C2CD3: variants seen among roughly 807,000 people sequenced by gnomAD.
C2CD3 encodes C2 domain-containing protein 3.
In C2CD3, 148 loss-of-function variants were observed where a neutral mutation model predicts 234.0. The ratio of observed to expected loss-of-function variants is 0.63; its 90% CI spans 0.55 to 0.72. The LOEUF is 0.72. C2CD3 is among the 30% of genes least tolerant of loss of function. C2CD3 has a pLI of 0.00. For missense variants in C2CD3, 2,577 were observed against 2,811.5 expected, an observed-to-expected ratio of 0.92 and a Z score of 1.89; for synonymous variants, 1,000 against 1,035.4, an observed-to-expected ratio of 0.97 and a Z score of 0.66.
chr11:74,156,886 G>T (rs571223249), intron 3 of C2CD3, among the ~76,000 whole-genome samples: 4 of 152,330 alleles, frequency 2.6e-5, no homozygotes, highest in Admixed American at 2.6e-4. Flanking sequence ...TGGGAGACTT[G>T]CTTGAATCCA....
At position 74,098,166 on chromosome 11, in the gene C2CD3, C is replaced by T. The variant is rs761895258; in HGVS notation, c.2822G>A (p.Gly941Asp). ...GACTCGAAGACTCCCATTTTGGTGG[C>T]CTGAAAACACATCAATCACAGGCAT... ...SYMPVIDVFS[G>D]HQNGSLRVFL... The change falls in exon 16 of 33, where the codon GGC (glycine) becomes GAC (aspartate). Residue 941 changes from glycine (G) to aspartate (D), a missense_variant. Gly to Asp is a moderately conservative substitution (Grantham distance 94). Transcript: ENST00000334126. 6.2e-7 allele frequency: 1 copy of T among 1,614,020 alleles called. No individual in the cohort carries two copies. The highest frequency in any genetic ancestry group is 8.5e-7 in the Non-Finnish European group (1 of 1,179,964).
intron 28 of C2CD3, 133 bp downstream of exon 28, chr11:74,048,072 G>T: frequency 1.0e-6 from 1 of 971,472 alleles, no homozygotes; most frequent in Non-Finnish European, 1.5e-6. Flanking sequence ...TTTTGGAGTT[G>T]TGACAGAAGA....
At chr11:74,024,819 C>G (rs1305595093) in intron 32 of C2CD3, among the ~76,000 whole-genome samples, 1 of 152,102 alleles carries the variant, frequency 6.6e-6, no homozygotes, top group Non-Finnish European at 1.5e-5. Context: ...AATAACCCAT[C>G]AAGTAGTGAG....
intron 8 of C2CD3, among the ~76,000 whole-genome samples, chr11:74,121,680 T>C (rs1957222754): frequency 6.6e-6 from 1 of 151,712 alleles, no homozygotes. Context: ...TCTATTAGTT[T>C]CAGCCATAAA....
Position 74,100,611 on chromosome 11 carries a change from T to TCA in C2CD3, c.2645_2646insTG (p.Glu882AspfsTer19), listed in dbSNP as rs762745533. 1 of 1,614,052 alleles carries TCA rather than the reference T, an allele frequency of 6.2e-7. No homozygotes were observed. The highest frequency in any genetic ancestry group is 1.3e-5 in the African/African-American group (1 of 75,052). Reference sequence around the variant, plus strand: ...CTGGGCTCCGCACCTTATTCCAAGTTTCAATTACCATCACATTGTTCTTAA... The same window carrying TCA: ...CTGGGCTCCGCACCTTATTCCAAGTTCATCAATTACCATCACATTGTTCTTAA... On this transcript the variant is annotated frameshift_variant, in exon 15 of 33. Coordinates refer to ENST00000334126, the MANE Select transcript of C2CD3 (RefSeq NM_001286577.2). LOFTEE classifies it high-confidence loss of function.
At chr11:74,134,034 C>T (rs1957775032) in intron 5 of C2CD3, among the ~76,000 whole-genome samples, 2 of 152,070 alleles carry the variant, frequency 1.3e-5, no homozygotes, top group African/African-American at 4.8e-5. Flanking sequence ...AAATTTACCC[C>T]ATCCCTTAAG....
rs548567656 is a variant in C2CD3, at chr11:74,113,679, C to CA, written c.1843+100dup. On this transcript the variant is annotated intron_variant, in intron 11 of 32. Transcript: ENST00000334126. ...TGGGCGAAAGAGTGAGACTCCATGT[C>CA]AAAAAAAAAAAAAAAAAAAAAGTCA... The CA allele has an allele frequency of 0.06, 28,385 of 473,194 alleles. 12 individuals carry two copies. The highest frequency in any genetic ancestry group is 0.069 in the East Asian group (1,789 of 25,768). 29.3% of individuals were successfully genotyped at this position (473,194 alleles called of 1,614,324 possible).
intron 25 of C2CD3, among the ~76,000 whole-genome samples, chr11:74,057,196 T>C (rs1953997738): frequency 6.6e-6 from 1 of 152,228 alleles, no homozygotes; most frequent in Non-Finnish European, 1.5e-5. Context: ...TTTTTGAGCA[T>C]ACTGAGAAGA....
At chr11:74,038,016 A>G (rs1952825366) in intron 29 of C2CD3, among the ~76,000 whole-genome samples, 1 of 152,094 alleles carries the variant, frequency 6.6e-6, no homozygotes, top group East Asian at 1.9e-4. Flanking sequence ...GTTTACTTTG[A>G]CAGAATAAAG....
At chr11:74,058,791 C>G (rs1954077970) in intron 24 of C2CD3, among the ~76,000 whole-genome samples, 1 of 151,780 alleles carries the variant, frequency 6.6e-6, no homozygotes, top group Admixed American at 6.6e-5. Flanking sequence ...CTGAGCTGTC[C>G]AGGAAGATAA....
chr11:74,148,087 T>C (rs1422085143), intron 3 of C2CD3, among the ~76,000 whole-genome samples: 1 of 151,796 alleles, frequency 6.6e-6, no homozygotes, highest in Non-Finnish European at 1.5e-5. Flanking sequence ...ATTTTACAAA[T>C]GTCTAACTAT....
intron 3 of C2CD3, among the ~76,000 whole-genome samples, chr11:74,156,207 G>C (rs1856006973): frequency 6.6e-6 from 1 of 151,994 alleles, no homozygotes. Context: ...CCAGGAGGTG[G>C]AGGTTGCAGT....
At chr11:74,035,352 A>G (rs899175557) in intron 30 of C2CD3, among the ~76,000 whole-genome samples, 3 of 152,218 alleles carry the variant, frequency 2.0e-5, no homozygotes, top group Admixed American at 2.0e-4. Flanking sequence ...CTTGCTTTTT[A>G]TAAACTTGCC....
chr11:74,097,132 G>C (rs183345756), intron 16 of C2CD3, among the ~76,000 whole-genome samples: 306 of 146,896 alleles, frequency 2.1e-3, no homozygotes, highest in African/African-American at 7.1e-3. Flanking sequence ...CTGGGCAACA[G>C]AGCAAGACCT....
At chr11:74,031,802 A>C (rs1952531192) in intron 31 of C2CD3, among the ~76,000 whole-genome samples, 1 of 152,192 alleles carries the variant, frequency 6.6e-6, no homozygotes, top group Non-Finnish European at 1.5e-5. Context: ...TTCTGAGCAC[A>C]ATTAATACTG....
intron 15 of C2CD3, among the ~76,000 whole-genome samples, chr11:74,099,554 G>A (rs11235996): frequency 4.6e-5 from 7 of 152,148 alleles, no homozygotes; most frequent in African/African-American, 1.4e-4. Context: ...CTAGGAAAGA[G>A]GTCAGTGCTA....
intron 3 of C2CD3, among the ~76,000 whole-genome samples, chr11:74,145,785 C>T (rs2135551127): frequency 6.6e-6 from 1 of 152,246 alleles, no homozygotes; most frequent in Middle Eastern, 3.4e-3. Flanking sequence ...TATCCCAGTA[C>T]CATTTATTGA....
intron 3 of C2CD3, chr11:74,142,201 T>C (rs745871698): frequency 6.6e-6 from 1 of 152,268 alleles, no homozygotes; most frequent in Non-Finnish European, 1.5e-5. Context: ...TGCAATTTCA[T>C]ATTGTTGGAA....
intron 25 of C2CD3, among the ~76,000 whole-genome samples, chr11:74,056,243 T>C (rs1953943848): frequency 6.6e-6 from 1 of 152,344 alleles, no homozygotes; most frequent in Admixed American, 6.5e-5. Context: ...TGGACAAGAA[T>C]TAAACTTTAT....
Sources: gnomAD v4.1 joint callset for allele counts (sites outside exome capture counted in the v4.1 genomes callset) on GRCh38, gnomAD v4.1.1 for gene constraint, MANE v1.5 for transcripts, NCBI Gene and HGNC (gene_info 2026-07-23, HGNC 2026-07-21) for gene names.